DPP3: variants seen among roughly 807,000 people sequenced by gnomAD.
The protein encoded by DPP3 is dipeptidyl peptidase 3.
DPP3 carries 64 observed loss-of-function variants against 89.8 expected under a neutral mutation model. The ratio of observed to expected loss-of-function variants is 0.71; its 90% CI spans 0.58 to 0.88. DPP3 has a LOEUF of 0.88. Ranked by LOEUF, DPP3 falls within the 40% of genes least tolerant of loss-of-function variation. The pLI is 0.00. For synonymous variants in DPP3, 377 were observed against 404.3 expected, an observed-to-expected ratio of 0.93 and a Z score of 0.81; for missense variants, 835 against 972.5, an observed-to-expected ratio of 0.86 and a Z score of 1.88.
At position 66,502,548 on chromosome 11, in the gene DPP3, C is replaced by T. The variant is rs566650534; in HGVS notation, c.1879-2064C>T. ...GCAGTGGCGTGATCTCAGCTCACTG[C>T]AAGCTCCGCCTCCCAGGTTCATGCC... On this transcript the variant is annotated intron_variant, in intron 16 of 17. Coordinates refer to ENST00000531863, the MANE Select transcript of DPP3 (RefSeq NM_130443.4). 4.6e-5 allele frequency among the ~76,000 whole-genome samples: 7 copies of T among 152,150 alleles called. No homozygotes were observed. The East Asian group carries it at 1.4e-3, about 30-fold the overall frequency.
intron 9 of DPP3, 157 bp from the exon 10 acceptor site, chr11:66,492,559 C>A (rs992774379): frequency 1.3e-5 from 11 of 840,926 alleles, no homozygotes; most frequent in Non-Finnish European, 1.8e-5. Context: ...AGGTCCTGAC[C>A]CAGTAGGGCC....
chr11:66,485,060 T>A, intron 2 of DPP3, 113 bp from the exon 3 acceptor site: 1 of 1,034,240 alleles, frequency 9.7e-7, no homozygotes. Context: ...GCCCACACAT[T>A]TCCCAGCCTC....
At chr11:66,480,650 C>T (rs982925836) in intron 1 of DPP3, 185 bp downstream of exon 1, 2 of 595,128 alleles carry the variant, frequency 3.4e-6, no homozygotes, top group Non-Finnish European at 2.6e-6. Context: ...TTCCGAACCT[C>T]GAGGCTGTGC....
At chr11:66,482,582 A>C (rs1855118878) in intron 2 of DPP3, 112 bp downstream of exon 2, 1 of 1,455,228 alleles carries the variant, frequency 6.9e-7, no homozygotes, top group African/African-American at 1.4e-5. Flanking sequence ...ACCAAAGGTT[A>C]CAAATTCAGG....
In DPP3 at chr11:66,487,456, G is replaced by A. The variant is rs532468042; in HGVS notation, c.573+114G>A. On this transcript the variant is annotated intron_variant, in intron 5 of 17. Transcript: ENST00000531863. ...CTGCTTGACTACTCCCTGTGTACTA[G>A]GGAAGGCGCGACCCCTGCCCACCCC... The A allele has an allele frequency of 4.2e-4, 470 of 1,108,016 alleles. 2 individuals are homozygous for A. In the South Asian group the frequency reaches 5.7e-3, roughly 13 times the overall value. 68.6% of individuals were successfully genotyped at this position (1,108,016 alleles called of 1,614,324 possible).
chr11:66,480,577 C>G, intron 1 of DPP3, 112 bp downstream of exon 1: 1 of 1,252,594 alleles, frequency 8.0e-7, no homozygotes, highest in South Asian at 1.7e-5. Context: ...CCAGTACCCC[C>G]TCCAAATTCA....
intron 5 of DPP3, 146 bp from the exon 6 acceptor site, chr11:66,487,768 T>C: frequency 1.5e-6 from 1 of 667,194 alleles, no homozygotes; most frequent in Non-Finnish European, 2.6e-6. Flanking sequence ...ACTCCCACTC[T>C]CTCCCACTCC....
intron 9 of DPP3, 84 bp from the exon 10 acceptor site, chr11:66,492,632 A>G: frequency 6.9e-7 from 1 of 1,455,664 alleles, no homozygotes; most frequent in Non-Finnish European, 9.2e-7. Context: ...GTAGGCATTC[A>G]GTACATGCGT....
chr11:66,483,068 C>A, intron 2 of DPP3: 1 of 149,836 alleles, frequency 6.7e-6, no homozygotes. Context: ...TTCTGTCACC[C>A]AGGCTGGAGT....
chr11:66,482,229 A>G lies in DPP3; in HGVS notation c.29A>G (p.Asn10Ser), dbSNP rs200777816. The G allele has an allele frequency of 2.0e-5, 33 of 1,614,038 alleles. No homozygotes were observed. Among genetic ancestry groups the G allele is most frequent in the Non-Finnish European group, 2.5e-5 (29 of 1,180,020 alleles). MADTQYILP[N>S]DIGVSSLDCR... ...GCGGACACCCAGTACATCCTGCCCA[A>G]TGACATCGGCGTGTCTAGCCTGGAC... is the stretch of plus-strand genomic sequence containing the variant. Residue 10 changes from asparagine to serine, a missense_variant, in exon 2 of 18, where the codon AAT becomes AGT. Coordinates refer to ENST00000531863, the MANE Select transcript of DPP3 (RefSeq NM_130443.4).
Position 66,509,506 on chromosome 11 carries a change from A to G in DPP3, c.*255A>G. On this transcript the variant is annotated 3_prime_UTR_variant, in exon 18 of 18. Transcript: ENST00000531863. ...CAAGACAGGGCTTACCATCCTGTCT[A>G]CCAGATGAGGAAATGGCAGTTCTGA... 8.1e-7 allele frequency: 1 copy of G among 1,228,246 alleles called. No individual in the cohort carries two copies. Among genetic ancestry groups the G allele is most frequent in the Non-Finnish European group, 1.2e-6 (1 of 866,800 alleles). The allele number at this position is 1,228,246 out of a possible 1,614,324, so 76.1% of individuals were successfully genotyped here.
chr11:66,497,612 C>A, intron 16 of DPP3, 135 bp downstream of exon 16: 1 of 1,263,650 alleles, frequency 7.9e-7, no homozygotes, highest in Non-Finnish European at 1.1e-6. Flanking sequence ...AACATGTAAG[C>A]GCACCGGGTG....
In DPP3 at chr11:66,486,522, G is replaced by T; in HGVS notation, c.361-18G>T. 1.3e-6 allele frequency: 2 copies of T among 1,488,168 alleles called. No individual in the cohort carries two copies. Among genetic ancestry groups the T allele is most frequent in the Non-Finnish European group, 1.8e-6 (2 of 1,114,208 alleles). The allele number at this position is 1,488,168 out of a possible 1,614,324, so 92.2% of individuals were successfully genotyped here. On this transcript the variant is annotated intron_variant, in intron 3 of 17. Transcript: ENST00000531863. ...TTTGGGTGGTGTGACTGGGCCATTG[G>T]CCTCCCTTTCCTTGCAGGAAAAGCT...
intron 5 of DPP3, 139 bp downstream of exon 5, chr11:66,487,481 C>G (rs1382079261): frequency 1.7e-5 from 15 of 877,298 alleles, no homozygotes; most frequent in Non-Finnish European, 2.5e-5. Context: ...CTGCCCACCC[C>G]AGGCTATAGA....
intron 16 of DPP3, among the ~76,000 whole-genome samples, chr11:66,502,424 C>T (rs1416647302): frequency 1.3e-5 from 2 of 151,788 alleles, no homozygotes; most frequent in East Asian, 3.9e-4. Flanking sequence ...TCTCCTGCCT[C>T]AGCCTCCCGA....
At chr11:66,491,798 C>G (rs773970959) in intron 9 of DPP3, 42 bp downstream of exon 9, 1 of 1,606,138 alleles carries the variant, frequency 6.2e-7, no homozygotes, top group Non-Finnish European at 8.5e-7. Flanking sequence ...TCCCTTCCCC[C>G]ACATCCAAGT....
chr11:66,504,820 A>G, intron 17 of DPP3, 46 bp downstream of exon 17: 3 of 1,543,094 alleles, frequency 1.9e-6, no homozygotes, highest in Middle Eastern at 2.2e-4. Flanking sequence ...GATGAGCACC[A>G]CACAGGGCCC....
At chr11:66,503,771 C>T (rs950542347) in intron 16 of DPP3, among the ~76,000 whole-genome samples, 14 of 152,222 alleles carry the variant, frequency 9.2e-5, no homozygotes, top group Admixed American at 9.2e-4. Context: ...CCTGTAGTCC[C>T]AGCTACTCAG....
In DPP3 at chr11:66,491,352, A is replaced by G. The variant is rs1855379662; in HGVS notation, c.767A>G (p.Gln256Arg). Reference sequence around the variant, plus strand: ...CGGGGGGACTACGCGCCCATCCTCCAGAAGGTGGTGGAGCAGCTGGAGAAA... The same window carrying G: ...CGGGGGGACTACGCGCCCATCCTCCGGAAGGTGGTGGAGCAGCTGGAGAAA... The part of the protein sequence containing the change: ...VTRGDYAPIL[Q>R]KVVEQLEKAK... The change falls in exon 7 of 18, where the codon CAG becomes CGG. Residue 256 changes from glutamine to arginine, a missense_variant. Transcript: ENST00000531863. 1 of 1,614,022 alleles carries G rather than the reference A, an allele frequency of 6.2e-7. No homozygotes were observed.
Sources: allele counts gnomAD v4.1 joint callset (sites outside exome capture counted in the v4.1 genomes callset), GRCh38; gene constraint gnomAD v4.1.1; transcripts MANE v1.5; gene names NCBI Gene and HGNC (gene_info 2026-07-23, HGNC 2026-07-21).